SYNE1: variants seen among roughly 807,000 people sequenced by gnomAD.
The protein encoded by SYNE1 is nesprin-1.
A neutral mutation model predicts 1,111.0 loss-of-function variants in SYNE1; 616 were observed. That is an observed-to-expected ratio of 0.55 (90% confidence interval 0.52 to 0.59). The LOEUF is 0.59. Among genes scored for constraint, SYNE1 ranks in the 20% least tolerant of loss-of-function variants. The pLI is 0.00. For missense variants in SYNE1, 10,006 were observed against 10,417.0 expected, an observed-to-expected ratio of 0.96 and a Z score of 1.72; for synonymous variants, 3,855 against 3,825.8, an observed-to-expected ratio of 1.01 and a Z score of -0.28.
At chr6:152,262,237 A>T in intron 100 of SYNE1, 49 bp from the exon 101 acceptor site, 3 of 1,553,388 alleles carry the variant, frequency 1.9e-6, no homozygotes, top group Non-Finnish European at 1.8e-6. Flanking sequence ...CAAAAAAGTG[A>T]TAAGACAGGT....
intron 5 of SYNE1, among the ~76,000 whole-genome samples, chr6:152,525,387 C>T (rs1031011303): frequency 6.6e-6 from 1 of 152,002 alleles, no homozygotes; most frequent in East Asian, 1.9e-4. Context: ...TCCTGAATTC[C>T]TTTTTCCAAA....
rs945540285 is a variant in SYNE1, at chr6:152,278,253, C to A, written c.18409G>T (p.Val6137Leu). 1.2e-6 allele frequency: 2 copies of A among 1,614,050 alleles called. No homozygotes were observed. The highest frequency in any genetic ancestry group is 1.7e-6 in the Non-Finnish European group (2 of 1,180,056). ...ACTGACAGTTCTGATAAAGCCACCA[C>A]CTTCTGCTCTATTTCCACCAGCATA... ...QNMLVEIEQK[V>L]VALSELSVHN... The change falls in exon 98 of 146, where the codon GTG becomes TTG. Residue 6137 changes from valine to leucine, a missense_variant. Val to Leu is a conservative substitution (Grantham distance 32, BLOSUM62 1). Around this residue, in one of 7 missense-constraint regions of SYNE1, gnomAD observed 99 missense variants for 147.8 expected, o/e 0.67. Coordinates refer to ENST00000367255, the MANE Select transcript of SYNE1 (RefSeq NM_182961.4).
chr6:152,330,502 T>G lies in SYNE1; in HGVS notation c.14183A>C (p.Glu4728Ala). The G allele has an allele frequency of 6.2e-7, 1 of 1,614,018 alleles. No individual in the cohort carries two copies. The highest frequency in any genetic ancestry group is 1.1e-5 in the South Asian group (1 of 91,074). ...TTTCTGGTTCAGTTCATCCACCGCCTCCCCAAGGCCCGCCACCTCGTCCAG... is the reference window on the plus strand; with the variant it reads ...TTTCTGGTTCAGTTCATCCACCGCCGCCCCAAGGCCCGCCACCTCGTCCAG... ...AILDEVAGLG[E>A]AVDELNQKKE... Residue 4728 changes from glutamate to alanine, a missense_variant, in exon 78 of 146, where the codon GAG (glutamate) becomes GCG (alanine). Glu to Ala is a moderately radical substitution (Grantham distance 107, BLOSUM62 -1). Transcript: ENST00000367255.
chr6:152,396,929 G>C lies in SYNE1; in HGVS notation c.7402C>G (p.Gln2468Glu), dbSNP rs1384323646. The change falls in exon 50 of 146, where the codon CAA becomes GAA. Residue 2468 changes from glutamine to glutamate, a missense_variant. Gln to Glu is a conservative substitution (Grantham distance 29). This residue lies in a region of SYNE1 where 4,955 missense variants were observed against 5,017.2 expected (regional missense o/e 0.99). Coordinates refer to ENST00000367255, the MANE Select transcript of SYNE1 (RefSeq NM_182961.4). ...DGQSKLDAVT[Q>E]EGQTLYAHLS... Reference sequence around the variant, plus strand: ...TGTGCATACAAAGTTTGTCCTTCTTGAGTCACTGCATCAAGTTTGCTCTGC... The same window carrying C: ...TGTGCATACAAAGTTTGTCCTTCTTCAGTCACTGCATCAAGTTTGCTCTGC... 2 of 1,614,162 alleles carry C rather than the reference G, an allele frequency of 1.2e-6. No individual in the cohort carries two copies. The highest frequency in any genetic ancestry group is 3.3e-5 in the Admixed American group (2 of 60,022).
chr6:152,417,072 G>A (rs888803466), intron 40 of SYNE1, 57 bp from the exon 41 acceptor site: 12 of 1,605,650 alleles, frequency 7.5e-6, no homozygotes, highest in Non-Finnish European at 1.0e-5. Context: ...TATGGCAGAG[G>A]TATTTTACAG....
At chr6:152,158,385 G>A (rs111507355) in intron 131 of SYNE1, among the ~76,000 whole-genome samples, 116 of 152,038 alleles carry the variant, frequency 7.6e-4, no homozygotes, top group Non-Finnish European at 1.4e-3. Flanking sequence ...GCAGATACCC[G>A]GGATTTATAT....
At chr6:152,254,244 CTTTTTTT>C (rs773598537) in intron 104 of SYNE1, among the ~76,000 whole-genome samples, 3 of 73,166 alleles carry the variant, frequency 4.1e-5, no homozygotes, top group East Asian at 5.0e-4. Context: ...TCTGCATACT[CTTTTTTT>C]TTTTTTTTTT....
chr6:152,460,463 T>C (rs1472407974), intron 21 of SYNE1, among the ~76,000 whole-genome samples: 1 of 152,202 alleles, frequency 6.6e-6, no homozygotes, highest in Non-Finnish European at 1.5e-5. Flanking sequence ...TCCCTACCAC[T>C]GATGTCACAG....
intron 84 of SYNE1, 130 bp downstream of exon 84, chr6:152,321,108 T>C (rs2153921637): frequency 1.0e-6 from 1 of 1,002,900 alleles, no homozygotes; most frequent in Non-Finnish European, 1.5e-6. Flanking sequence ...AATATTATTG[T>C]TTTATAGCCA....
At chr6:152,595,627 A>G (rs1408838084) in intron 3 of SYNE1, among the ~76,000 whole-genome samples, 1 of 152,226 alleles carries the variant, frequency 6.6e-6, no homozygotes, top group African/African-American at 2.4e-5. Context: ...CTGCCTTGCC[A>G]GAAACTATAT....
Position 152,330,393 on chromosome 6 carries a change from T to C in SYNE1, c.14292A>G (p.Arg4764=). 6.2e-7 allele frequency: 1 copy of C among 1,614,180 alleles called. No homozygotes were observed. The highest frequency in any genetic ancestry group is 1.1e-5 in the South Asian group (1 of 91,086). ...HLVTLYHRLK[R]QTEQRVSLLE... ...ATAAGCTAACCCTCTGTTCTGTTTG[T>C]CGCTTCAGCCTGTGATATAAGGTGA... Residue 4764 remains arginine (R), a synonymous_variant, in exon 78 of 146, where the codon CGA becomes CGG. Coordinates refer to ENST00000367255, the MANE Select transcript of SYNE1 (RefSeq NM_182961.4).
chr6:152,514,737 G>A (rs572572732), intron 6 of SYNE1, among the ~76,000 whole-genome samples: 2 of 151,500 alleles, frequency 1.3e-5, no homozygotes, highest in Non-Finnish European at 2.9e-5. Context: ...ATGCAAGGAC[G>A]CAAAGAGAAG....
At chr6:152,354,137 C>T (rs1178408001) in intron 67 of SYNE1, among the ~76,000 whole-genome samples, 1 of 151,962 alleles carries the variant, frequency 6.6e-6, no homozygotes, top group Non-Finnish European at 1.5e-5. Flanking sequence ...AAGACTCTGT[C>T]TCCAAAAAAA....
chr6:152,178,566 G>A (rs555292897), intron 129 of SYNE1, among the ~76,000 whole-genome samples: 1 of 152,292 alleles, frequency 6.6e-6, no homozygotes, highest in South Asian at 2.1e-4. Context: ...GGCTTTGGAT[G>A]TTTTAATTTT....
At chr6:152,168,426 T>C in intron 130 of SYNE1, 1 of 529,212 alleles carries the variant, frequency 1.9e-6, no homozygotes, top group Non-Finnish European at 3.4e-6. Context: ...TCTCCTGGAA[T>C]GTAGGCCACG....
At chr6:152,412,851 A>ATTTTTTTTTTTTTTTTTT (rs373723820) in intron 42 of SYNE1, among the ~76,000 whole-genome samples, 2 of 131,662 alleles carry the variant, frequency 1.5e-5, no homozygotes, top group Non-Finnish European at 3.2e-5. Context: ...TTCACATGTA[A>ATTTTTTTTTTTTTTTTTT]TTTTTTTTTT....
At position 152,353,630 on chromosome 6, in the gene SYNE1, G is replaced by A. The variant is rs2096780927; in HGVS notation, c.11041C>T (p.Gln3681Ter). Reference protein sequence around the residue: ...VNSRMGCQATQLTSRYQALLL... With the variant: ...VNSRMGCQAT ...AGGGCCTGGTATCTGGAAGTCAGCT[G>A]GGTGGCCTGGCAACCCATTCTGCTG... The change falls in exon 68 of 146, where the codon CAG (glutamine) becomes TAG (stop). Residue 3681 changes from glutamine (Q) to a stop codon, truncating the protein, a stop_gained. Coordinates refer to ENST00000367255, the MANE Select transcript of SYNE1 (RefSeq NM_182961.4). LOFTEE classifies it high-confidence loss of function. The A allele has an allele frequency of 6.2e-7, 1 of 1,614,056 alleles. No individual in the cohort carries two copies. The highest frequency in any genetic ancestry group is 8.5e-7 in the Non-Finnish European group (1 of 1,180,044).
intron 29 of SYNE1, 77 bp from the exon 30 acceptor site, chr6:152,444,655 A>C: frequency 7.5e-7 from 1 of 1,328,700 alleles, no homozygotes; most frequent in Non-Finnish European, 1.0e-6. Context: ...TTGGTAAGGT[A>C]TGATTGACAA....
At chr6:152,248,738 T>C (rs926694259) in intron 105 of SYNE1, among the ~76,000 whole-genome samples, 4 of 152,154 alleles carry the variant, frequency 2.6e-5, no homozygotes, top group African/African-American at 7.2e-5. Flanking sequence ...TTGTTGTGTG[T>C]CCAAACTCTT....
Sources: gnomAD v4.1 joint callset for allele counts (sites outside exome capture counted in the v4.1 genomes callset) on GRCh38, gnomAD v4.1.1 for gene constraint, gnomAD v4.1.1 regional missense constraint, MANE v1.5 for transcripts, NCBI Gene and HGNC (gene_info 2026-07-23, HGNC 2026-07-21) for gene names.